Variants in CIDEA observed in about 807,000 individuals in gnomAD.
The protein encoded by CIDEA is lipid transferase CIDEA.
Under a neutral mutation model 18.2 loss-of-function variants are expected in CIDEA, and 10 were observed. The ratio of observed to expected loss-of-function variants is 0.55; its 90% CI spans 0.34 to 0.93. The LOEUF (loss-of-function observed/expected upper bound fraction) is 0.93, where lower values mean the gene tolerates loss of function less well. CIDEA is among the 40% of genes least tolerant of loss of function. The pLI is 0.02. For missense variants in CIDEA, 309 were observed against 293.1 expected, an observed-to-expected ratio of 1.05 and a Z score of -0.40; for synonymous variants, 128 against 124.8, an observed-to-expected ratio of 1.03 and a Z score of -0.17.
chr18:12,255,679 G>A (rs1912012339), intron 1 of CIDEA, among the ~76,000 whole-genome samples: 1 of 152,178 alleles, frequency 6.6e-6, no homozygotes. Context: ...CACACCCACT[G>A]TTCCTCCGGA....
intron 3 of CIDEA, among the ~76,000 whole-genome samples, chr18:12,271,241 A>G (rs999986454): frequency 7.0e-6 from 1 of 142,082 alleles, no homozygotes; most frequent in Non-Finnish European, 1.5e-5. Context: ...GATGGGATTA[A>G]GTGAAGGTTA....
At chr18:12,269,851 C>G (rs1568104826) in intron 3 of CIDEA, among the ~76,000 whole-genome samples, 1 of 152,114 alleles carries the variant, frequency 6.6e-6, no homozygotes, top group Non-Finnish European at 1.5e-5. Context: ...GTGCATGTCA[C>G]CACACCCAGC....
chr18:12,264,585 G>C (rs1056780585), intron 3 of CIDEA, 132 bp downstream of exon 3: 1 of 687,628 alleles, frequency 1.5e-6, no homozygotes, highest in Non-Finnish European at 2.3e-6. Context: ...ACGGAGTCTC[G>C]CTCTGTCACC....
intron 3 of CIDEA, among the ~76,000 whole-genome samples, chr18:12,269,273 CAT>C (rs1912446691): frequency 1.3e-5 from 2 of 152,058 alleles, no homozygotes; most frequent in Non-Finnish European, 2.9e-5. Flanking sequence ...TCTGTTGTAA[CAT>C]ATTGTTTTGA....
At chr18:12,274,308 G>A (rs1274026101) in intron 4 of CIDEA, 34 bp downstream of exon 4, 1 of 1,605,302 alleles carries the variant, frequency 6.2e-7, no homozygotes, top group East Asian at 2.2e-5. Context: ...CCGGGGGTCT[G>A]CAGACTGCAC....
rs144589691 is a variant in CIDEA at position 12,254,404 on chromosome 18, T to C, written c.21T>C (p.Tyr7=). The change falls in exon 1 of 5, where the codon TAT becomes TAC. Residue 7 remains tyrosine (Y), a synonymous_variant. Coordinates refer to ENST00000320477, the MANE Select transcript of CIDEA (RefSeq NM_001279.4). ...GCGCCATGGAGGCCGCCCGGGACTATGCAGGAGCCCTCATCAGGCGAGTGC... is the reference window on the plus strand; with the variant it reads ...GCGCCATGGAGGCCGCCCGGGACTACGCAGGAGCCCTCATCAGGCGAGTGC... The part of the protein sequence containing the change: MEAARD[Y]AGALIRPLTF... 2.0e-4 allele frequency: 319 copies of C among 1,582,514 alleles called. 1 individual carries two copies. Among genetic ancestry groups the C allele is most frequent in the Non-Finnish European group, 2.6e-4 (305 of 1,166,404 alleles).
At chr18:12,256,515 G>A (rs570526558) in intron 1 of CIDEA, among the ~76,000 whole-genome samples, 10 of 152,330 alleles carry the variant, frequency 6.6e-5, no homozygotes, top group Non-Finnish European at 1.0e-4. Context: ...CATCAAGGAG[G>A]TCCACATGCA....
At chr18:12,271,056 G>A (rs1431542343) in intron 3 of CIDEA, among the ~76,000 whole-genome samples, 3 of 151,556 alleles carry the variant, frequency 2.0e-5, no homozygotes, top group Admixed American at 6.6e-5. Context: ...CCACCACCAC[G>A]CCCGGCTAAT....
intron 1 of CIDEA, among the ~76,000 whole-genome samples, chr18:12,259,370 T>C (rs1447573168): frequency 6.6e-6 from 1 of 152,174 alleles, no homozygotes; most frequent in Non-Finnish European, 1.5e-5. Context: ...GATTTGAAGT[T>C]CAGAGGATGG....
intron 1 of CIDEA, among the ~76,000 whole-genome samples, chr18:12,261,967 A>G (rs180877485): frequency 2.0e-3 from 299 of 151,600 alleles, no homozygotes; most frequent in Non-Finnish European, 3.2e-3. Context: ...CAGGAGTTCA[A>G]GACCAGCCTG....
At chr18:12,270,082 C>G (rs1055011699) in intron 3 of CIDEA, among the ~76,000 whole-genome samples, 2 of 152,128 alleles carry the variant, frequency 1.3e-5, no homozygotes, top group African/African-American at 2.4e-5. Flanking sequence ...CACATCAAAT[C>G]ATTTACAGAT....
intron 1 of CIDEA, among the ~76,000 whole-genome samples, chr18:12,261,560 CT>C (rs1037954816): frequency 6.6e-6 from 1 of 151,908 alleles, no homozygotes; most frequent in African/African-American, 2.4e-5. Flanking sequence ...TTTCCCTTTT[CT>C]TTTCTTTTTT....
chr18:12,270,762 A>AAT (rs1446159945), intron 3 of CIDEA, among the ~76,000 whole-genome samples: 5 of 149,690 alleles, frequency 3.3e-5, no homozygotes, highest in Non-Finnish European at 5.9e-5. Context: ...TTGTGGGGTG[A>AAT]ATTAGACAAA....
At chr18:12,261,566 T>C (rs546467962) in intron 1 of CIDEA, among the ~76,000 whole-genome samples, 1 of 152,202 alleles carries the variant, frequency 6.6e-6, no homozygotes, top group East Asian at 1.9e-4. Context: ...TTTTCTTTTC[T>C]TTTTTCTTTT....
In CIDEA at chr18:12,257,592, C is replaced by T. The variant is rs141715655; in HGVS notation, c.38+3171C>T. Among the ~76,000 whole-genome samples the T allele has an allele frequency of 6.6e-3, 1,003 of 152,340 alleles. 5 individuals carry two copies. Among genetic ancestry groups the T allele is most frequent in the Middle Eastern group, 0.01 (3 of 294 alleles). On this transcript the variant is annotated intron_variant, in intron 1 of 4. Coordinates refer to ENST00000320477, the MANE Select transcript of CIDEA (RefSeq NM_001279.4). ...GGGGCAGAATACAAAACCTTCCCTT[C>T]CCACCTGTTCCTGAGAGACATGCCG...
chr18:12,265,956 T>C (rs1372327471), intron 3 of CIDEA, among the ~76,000 whole-genome samples: 2 of 152,042 alleles, frequency 1.3e-5, no homozygotes, highest in Non-Finnish European at 2.9e-5. Flanking sequence ...ACTGACTAAA[T>C]AAATAAATTA....
Position 12,277,265 on chromosome 18 carries a change from G to A in CIDEA, c.655G>A (p.Gly219Arg), listed in dbSNP as rs759980895. 8.7e-6 allele frequency: 14 copies of A among 1,614,084 alleles called. No individual in the cohort carries two copies. The South Asian group carries it at 1.3e-4, about 15-fold the overall frequency. The change falls in exon 5 of 5, where the codon GGA becomes AGA. Residue 219 changes from glycine (G) to arginine (R), a missense_variant. Physicochemically the swap from Gly to Arg is moderately radical, Grantham distance 125. Transcript: ENST00000320477. Reference sequence around the variant, plus strand: ...ACAAGCCAAGGGCAGGTTCACGTGTGGATAGGGATGCAGGCTGTCGCCGGC... The same window carrying A: ...ACAAGCCAAGGGCAGGTTCACGTGTAGATAGGGATGCAGGCTGTCGCCGGC... ...RSQAKGRFTC[G>R]
Position 12,264,387 on chromosome 18 carries a change from G to C in CIDEA, c.264G>C (p.Glu88Asp). Reference protein sequence around the residue: ...EEDGTVVDTEEFFQTLGDNTH... With the variant: ...EEDGTVVDTEDFFQTLGDNTH... ...ATGGCACCGTGGTGGACACAGAAGA[G>C]TTCTTTCAGACCTTGGGAGACAACA... The change falls in exon 3 of 5, where the codon GAG (glutamate) becomes GAC (aspartate). Residue 88 changes from glutamate to aspartate, a missense_variant. Physicochemically the swap from Glu to Asp is conservative, Grantham distance 45. Transcript: ENST00000320477. 1 of 1,614,098 alleles carries C rather than the reference G, an allele frequency of 6.2e-7. No individual in the cohort carries two copies. Among genetic ancestry groups the C allele is most frequent in the Middle Eastern group, 1.7e-4 (1 of 6,058 alleles).
intron 1 of CIDEA, chr18:12,254,820 C>T (rs775662341): frequency 3.7e-6 from 5 of 1,339,320 alleles, no homozygotes; most frequent in Admixed American, 2.1e-5. Flanking sequence ...TTCCGCGATG[C>T]GAGGGGACCG....
Sources: allele counts gnomAD v4.1 joint callset (sites outside exome capture counted in the v4.1 genomes callset), GRCh38; gene constraint gnomAD v4.1.1; transcripts MANE v1.5; gene names NCBI Gene and HGNC (gene_info 2026-07-23, HGNC 2026-07-21).